Variants in MAP3K4 observed in about 807,000 individuals in gnomAD.
MAP3K4 encodes mitogen-activated protein kinase kinase kinase 4, also known as MAP three kinase 1.
Under a neutral mutation model 185.6 loss-of-function variants are expected in MAP3K4, and 67 were observed. The observed-to-expected ratio is 0.36, with a 90% confidence interval of 0.30 to 0.44. MAP3K4 has a LOEUF of 0.44. Among genes scored for constraint, MAP3K4 ranks in the 20% least tolerant of loss-of-function variants. MAP3K4 has a pLI of 1.00. For synonymous variants in MAP3K4, 702 were observed against 710.4 expected (o/e 0.99, Z 0.19); for missense variants, 1,551 against 1,995.1 (o/e 0.78, Z 4.24).
chr6:161,034,494 A>G lies in MAP3K4; in HGVS notation c.343+45A>G, dbSNP rs1249977658. ...AGAGGTGTACATGAGAGGGTATGGC[A>G]CTTGATTGATTCTTTCAACAATAAA... On this transcript the variant is annotated intron_variant, in intron 2 of 26. Coordinates refer to ENST00000392142, the MANE Select transcript of MAP3K4 (RefSeq NM_005922.4). The surrounding 1 kb of genome is among the most constrained non-coding windows in gnomAD (Gnocchi z 4.4). The G allele has an allele frequency of 3.5e-6, 5 of 1,430,004 alleles. No homozygotes were observed. Among genetic ancestry groups the G allele is most frequent in the Non-Finnish European group, 4.8e-6 (5 of 1,040,102 alleles). The allele number at this position is 1,430,004 out of a possible 1,614,324, so 88.6% of individuals were successfully genotyped here.
chr6:161,012,344 T>A (rs565245847), intron 1 of MAP3K4, among the ~76,000 whole-genome samples: 4 of 152,330 alleles, frequency 2.6e-5, no homozygotes, highest in African/African-American at 9.6e-5. Context: ...AAGTGGTGTT[T>A]CTCTTGGGAA....
intron 3 of MAP3K4, among the ~76,000 whole-genome samples, chr6:161,052,293 A>G (rs1196128437): frequency 2.0e-5 from 3 of 152,120 alleles, no homozygotes; most frequent in African/African-American, 7.2e-5. Flanking sequence ...CCTACATCTT[A>G]TATTAGAACT....
chr6:161,002,009 T>TC (rs142887396), intron 1 of MAP3K4, among the ~76,000 whole-genome samples: 2,079 of 148,514 alleles, frequency 0.014, 58 homozygotes, highest in African/African-American at 0.048. Context: ...AAGAAACATT[T>TC]CCCCCCCAAC....
chr6:161,044,746 C>T (rs1469875452), intron 2 of MAP3K4, among the ~76,000 whole-genome samples: 2 of 152,102 alleles, frequency 1.3e-5, no homozygotes, highest in East Asian at 3.9e-4. Flanking sequence ...AAGCGTGGCA[C>T]CAATATCAAC....
At chr6:161,045,043 A>G (rs2114750052) in intron 2 of MAP3K4, among the ~76,000 whole-genome samples, 1 of 152,280 alleles carries the variant, frequency 6.6e-6, no homozygotes, top group African/African-American at 2.4e-5. Flanking sequence ...CTTCTGTCAC[A>G]AGTATATTAT....
In MAP3K4 at chr6:161,063,747, C is replaced by T. The variant is rs1223048049; in HGVS notation, c.1708-6861C>T. ...TCAGACCTTACTGCCAACCCCTTGCCTTCACTCATGAATAGTGCCAAAATC... is the reference window on the plus strand; with the variant it reads ...TCAGACCTTACTGCCAACCCCTTGCTTTCACTCATGAATAGTGCCAAAATC... On this transcript the variant is annotated intron_variant, in intron 3 of 26. Transcript: ENST00000392142. This position sits in a 1 kb window ranked among gnomAD's most constrained non-coding sequence, Gnocchi z 5.4. Among the ~76,000 whole-genome samples, 1 of 152,170 alleles carries T rather than the reference C, an allele frequency of 6.6e-6. No individual in the cohort carries two copies. Among genetic ancestry groups the T allele is most frequent in the East Asian group, 1.9e-4 (1 of 5,198 alleles).
At position 161,051,068 on chromosome 6, in the gene MAP3K4, G is replaced by A. The variant is rs1321326925; in HGVS notation, c.1707+1089G>A. On this transcript the variant is annotated intron_variant, in intron 3 of 26. Coordinates refer to ENST00000392142, the MANE Select transcript of MAP3K4 (RefSeq NM_005922.4). This position sits in a 1 kb window ranked among gnomAD's most constrained non-coding sequence, Gnocchi z 4.2. The stretch of plus-strand genomic sequence containing the variant: ...ATGTAATATAAATGCTGTGTAAATG[G>A]TTGTTAATACTGTATAGTTTGGGGA... 6.6e-6 allele frequency among the ~76,000 whole-genome samples: 1 copy of A among 152,162 alleles called. No homozygotes were observed. Among genetic ancestry groups the A allele is most frequent in the Non-Finnish European group, 1.5e-5 (1 of 68,040 alleles).
At chr6:161,044,619 C>T (rs1453772169) in intron 2 of MAP3K4, among the ~76,000 whole-genome samples, 1 of 152,174 alleles carries the variant, frequency 6.6e-6, no homozygotes, top group Non-Finnish European at 1.5e-5. Context: ...TGCCAGAAAG[C>T]ACTCTTGGAT....
In MAP3K4 at chr6:161,115,959, T is replaced by C. The variant is rs921135576; in HGVS notation, c.4806+657T>C. 3.3e-5 allele frequency among the ~76,000 whole-genome samples: 5 copies of C among 152,282 alleles called. No homozygotes were observed. Among genetic ancestry groups the C allele is most frequent in the East Asian group, 1.9e-4 (1 of 5,188 alleles). ...TTTATTATAAACATAAATGATGACA[T>C]AGAGTTTTAGAAAGATCACTCTAGA... On this transcript the variant is annotated intron_variant, in intron 26 of 26. Coordinates refer to ENST00000392142, the MANE Select transcript of MAP3K4 (RefSeq NM_005922.4). This position sits in a 1 kb window ranked among gnomAD's most constrained non-coding sequence, Gnocchi z 6.0.
Position 160,995,974 on chromosome 6 carries a change from ATTTAC to A in MAP3K4, c.152+3896_152+3900del, listed in dbSNP as rs549147946. Reference sequence around the variant, plus strand: ...ATTAACTTTTTTTAAAAAATGAATTATTTACTTTATATATTTATTGTAAATTCATT... The same window carrying A: ...ATTAACTTTTTTTAAAAAATGAATTATTTATATATTTATTGTAAATTCATT... On this transcript the variant is annotated intron_variant, in intron 1 of 26. Transcript: ENST00000392142. Among the ~76,000 whole-genome samples, 59 of 152,340 alleles carry A rather than the reference ATTTAC, an allele frequency of 3.9e-4. 1 individual carries two copies. Among genetic ancestry groups the A allele is most frequent in the Middle Eastern group, 3.4e-3 (1 of 294 alleles).
At chr6:161,092,714 AAAT>A (rs1459215479) in intron 13 of MAP3K4, among the ~76,000 whole-genome samples, 1 of 152,228 alleles carries the variant, frequency 6.6e-6, no homozygotes, top group Non-Finnish European at 1.5e-5. Flanking sequence ...AATTACAAAT[AAAT>A]AATTGTTGAA....
chr6:161,060,970 A>G (rs1034593601), intron 3 of MAP3K4, among the ~76,000 whole-genome samples: 1 of 152,110 alleles, frequency 6.6e-6, no homozygotes, highest in Non-Finnish European at 1.5e-5. Flanking sequence ...TTATTGAGAA[A>G]TGGTATATTC....
chr6:161,084,828 T>C lies in MAP3K4; in HGVS notation c.2372+211T>C, dbSNP rs1257296333. 6.6e-6 allele frequency among the ~76,000 whole-genome samples: 1 copy of C among 152,174 alleles called. No individual in the cohort carries two copies. Among genetic ancestry groups the C allele is most frequent in the Non-Finnish European group, 1.5e-5 (1 of 68,036 alleles). On this transcript the variant is annotated intron_variant, in intron 7 of 26. Transcript: ENST00000392142. This position sits in a 1 kb window ranked among gnomAD's most constrained non-coding sequence, Gnocchi z 4.6. ...TGTGAAATTTTCTTTGAAGGGGAACTTAGAATTTATTTAGTGTGATAAAAA... is the reference window on the plus strand; with the variant it reads ...TGTGAAATTTTCTTTGAAGGGGAACCTAGAATTTATTTAGTGTGATAAAAA...
rs762151830 is a variant in MAP3K4 at position 161,091,566 on chromosome 6, G to A, written c.3135+26G>A. On this transcript the variant is annotated intron_variant, in intron 12 of 26. Transcript: ENST00000392142. The surrounding 1 kb of genome is among the most constrained non-coding windows in gnomAD (Gnocchi z 5.5). ...GTAGGTTCAAAATAAGAGGAAACACGGTACAATTTAGTAATTGCTTGATAA... is the reference window on the plus strand; with the variant it reads ...GTAGGTTCAAAATAAGAGGAAACACAGTACAATTTAGTAATTGCTTGATAA... 2.5e-6 allele frequency: 4 copies of A among 1,586,812 alleles called. No individual in the cohort carries two copies. In the East Asian group the frequency reaches 6.8e-5, roughly 27 times the overall value.
chr6:161,087,227 T>C lies in MAP3K4; in HGVS notation c.2557-461T>C, dbSNP rs1003984656. On this transcript the variant is annotated intron_variant, in intron 9 of 26. Transcript: ENST00000392142. This position sits in a 1 kb window ranked among gnomAD's most constrained non-coding sequence, Gnocchi z 4.9. Reference sequence around the variant, plus strand: ...ATGACCTGCAGCGTGCCACCACATGTGTACCCTTTGAGAAACTGATCTCAA... The same window carrying C: ...ATGACCTGCAGCGTGCCACCACATGCGTACCCTTTGAGAAACTGATCTCAA... 6.6e-6 allele frequency among the ~76,000 whole-genome samples: 1 copy of C among 152,212 alleles called. No individual in the cohort carries two copies.
In MAP3K4 at chr6:161,041,912, C is replaced by CTTTTTTTTTTTTTTTTT. The variant is rs1184107037; in HGVS notation, c.344-6691_344-6690insTTTTTTTTTTTTTTTTT. On this transcript the variant is annotated intron_variant, in intron 2 of 26. Coordinates refer to ENST00000392142, the MANE Select transcript of MAP3K4 (RefSeq NM_005922.4). ...GGGTAAAGGCCTTGAGTTATTGTTT[C>CTTTTTTTTTTTTTTTTT]TTTTTTTTTTTTTCTTTTTTTTTTT... Among the ~76,000 whole-genome samples, 4 of 64,048 alleles carry CTTTTTTTTTTTTTTTTT rather than the reference C, an allele frequency of 6.2e-5. 1 individual carries two copies. The highest frequency in any genetic ancestry group is 2.5e-4 in the African/African-American group (4 of 15,876). The allele number at this position is 64,048 out of a possible 152,430, so 42.0% of individuals were successfully genotyped here. A position where few individuals can be genotyped will look rare whatever the true frequency, so the allele number is the denominator to read the frequency against.
chr6:161,116,713 T>C lies in MAP3K4; in HGVS notation c.4807-137T>C. On this transcript the variant is annotated intron_variant, in intron 26 of 26. Coordinates refer to ENST00000392142, the MANE Select transcript of MAP3K4 (RefSeq NM_005922.4). The surrounding 1 kb of genome is among the most constrained non-coding windows in gnomAD (Gnocchi z 6.2). ...CATTGTTCATTACATTTCTTAAGCC[T>C]TGCCCTCTGTGCCCAGTACAGTGCT... 1 of 691,462 alleles carries C rather than the reference T, an allele frequency of 1.4e-6. No individual in the cohort carries two copies. Among genetic ancestry groups the C allele is most frequent in the Non-Finnish European group, 2.5e-6 (1 of 396,520 alleles). 42.8% of individuals were successfully genotyped at this position (691,462 alleles called of 1,614,324 possible).
In MAP3K4 at chr6:161,114,016, C is replaced by T. The variant is rs926319495; in HGVS notation, c.4627-1107C>T. On this transcript the variant is annotated intron_variant, in intron 25 of 26. Transcript: ENST00000392142. This position sits in a 1 kb window ranked among gnomAD's most constrained non-coding sequence, Gnocchi z 4.3. ...TTCACTGTGTTGGCCAGGCTGGTCT[C>T]GAACTCCTGACCTCATGATCCGCCT... 6.6e-6 allele frequency among the ~76,000 whole-genome samples: 1 copy of T among 151,802 alleles called. No homozygotes were observed. The highest frequency in any genetic ancestry group is 1.5e-5 in the Non-Finnish European group (1 of 67,938).
At position 161,084,693 on chromosome 6, in the gene MAP3K4, G is replaced by T. The variant is rs1785615804; in HGVS notation, c.2372+76G>T. The T allele has an allele frequency of 2.3e-6, 2 of 879,686 alleles. No individual in the cohort carries two copies. Among genetic ancestry groups the T allele is most frequent in the African/African-American group, 1.6e-5 (1 of 60,684 alleles). 54.5% of individuals were successfully genotyped at this position (879,686 alleles called of 1,614,324 possible). On this transcript the variant is annotated intron_variant, in intron 7 of 26. Coordinates refer to ENST00000392142, the MANE Select transcript of MAP3K4 (RefSeq NM_005922.4). This position sits in a 1 kb window ranked among gnomAD's most constrained non-coding sequence, Gnocchi z 4.6. ...TCCTCATGGTGAGATCCTAGAAGGA[G>T]CCTTGTTCAAACCAAATTGTGTTGG...
Sources: gnomAD v4.1 joint callset for allele counts (sites outside exome capture counted in the v4.1 genomes callset) on GRCh38, gnomAD v4.1.1 for gene constraint, Gnocchi (gnomAD v3.1) non-coding constraint, MANE v1.5 for transcripts, NCBI Gene and HGNC (gene_info 2026-07-23, HGNC 2026-07-21) for gene names.